Variants in ACO2 observed in about 807,000 individuals in gnomAD.
ACO2 encodes the protein aconitate hydratase, mitochondrial.
In ACO2, 31 loss-of-function variants were observed where a neutral mutation model predicts 84.5. The ratio of observed to expected loss-of-function variants is 0.37; its 90% CI spans 0.28 to 0.50. ACO2 has a LOEUF of 0.50. Ranked by LOEUF, ACO2 falls within the 20% of genes least tolerant of loss-of-function variation. The probability of loss-of-function intolerance (pLI) is 0.97; values close to 1 mark genes in which losing one functional copy is unlikely to be tolerated. For missense variants in ACO2, 685 were observed against 1,029.3 expected, an observed-to-expected ratio of 0.67 and a Z score of 4.58; for synonymous variants, 414 against 412.7, an observed-to-expected ratio of 1.00 and a Z score of -0.04.
chr22:41,514,135 C>T (rs1309344832), intron 4 of ACO2, among the ~76,000 whole-genome samples: 1 of 152,074 alleles, frequency 6.6e-6, no homozygotes, highest in East Asian at 1.9e-4. Context: ...GACCTTTGGA[C>T]CTTAGAGTCT....
At chr22:41,521,538 T>TA (rs1387221522) in intron 9 of ACO2, 2 of 152,218 alleles carry the variant, frequency 1.3e-5, no homozygotes. Context: ...CTACTGCTGC[T>TA]ATCACCAATG....
At chr22:41,486,086 G>A (rs1211190703) in intron 1 of ACO2, among the ~76,000 whole-genome samples, 1 of 152,118 alleles carries the variant, frequency 6.6e-6, no homozygotes, top group African/African-American at 2.4e-5. Flanking sequence ...CTCATTCTCT[G>A]TGCTCCACTC....
rs1179577274 is a variant in ACO2, at chr22:41,527,151, G to A, written c.1954-137G>A. 3 of 1,320,848 alleles carry A rather than the reference G, an allele frequency of 2.3e-6. No homozygotes were observed. The Admixed American group carries it at 6.1e-5, about 27-fold the overall frequency. The allele number at this position is 1,320,848 out of a possible 1,614,324, so 81.8% of individuals were successfully genotyped here. On this transcript the variant is annotated intron_variant, in intron 15 of 17. Coordinates refer to ENST00000216254, the MANE Select transcript of ACO2 (RefSeq NM_001098.3). ...CACTTGCCCTTAGGCAGCAGGCGAG[G>A]AAGGGCCCCTCCAGCCCCTTTACCG...
At chr22:41,505,427 C>CAATAAT (rs59945427) in intron 2 of ACO2, among the ~76,000 whole-genome samples, 230 of 148,776 alleles carry the variant, frequency 1.5e-3, no homozygotes, top group South Asian at 6.1e-3. Flanking sequence ...AAAATAATAA[C>CAATAAT]AATAATAATA....
chr22:41,512,003 C>G, intron 4 of ACO2, 35 bp downstream of exon 4: 14 of 1,559,740 alleles, frequency 9.0e-6, no homozygotes, highest in Non-Finnish European at 1.2e-5. Flanking sequence ...CCCAAGGGCC[C>G]AAGCCAGAGA....
intron 1 of ACO2, among the ~76,000 whole-genome samples, chr22:41,474,421 G>A (rs1311636669): frequency 6.7e-6 from 1 of 148,590 alleles, no homozygotes; most frequent in Non-Finnish European, 1.5e-5. Flanking sequence ...AGCCTCCCGA[G>A]TTGCTGGGAC....
At chr22:41,504,236 T>A (rs533704969) in intron 2 of ACO2, among the ~76,000 whole-genome samples, 8 of 152,168 alleles carry the variant, frequency 5.3e-5, no homozygotes, top group African/African-American at 1.7e-4. Flanking sequence ...GCTCAAAAAA[T>A]AAAAATAAAG....
chr22:41,527,076 C>G (rs908911590), intron 15 of ACO2: 5 of 656,710 alleles, frequency 7.6e-6, no homozygotes, highest in African/African-American at 7.3e-5. Flanking sequence ...CAAACAACCA[C>G]GTGCCTCTGT....
chr22:41,527,191 C>A, intron 15 of ACO2, 97 bp from the exon 16 acceptor site: 1 of 1,584,376 alleles, frequency 6.3e-7, no homozygotes, highest in Non-Finnish European at 8.6e-7. Flanking sequence ...CCTCAGGATG[C>A]CCAGGCGCCA....
chr22:41,486,260 G>C (rs1272157551), intron 1 of ACO2, among the ~76,000 whole-genome samples: 1 of 152,080 alleles, frequency 6.6e-6, no homozygotes. Flanking sequence ...CAAATGTGCT[G>C]CTAGGAAAGA....
intron 12 of ACO2, among the ~76,000 whole-genome samples, chr22:41,524,222 TGA>T (rs1366433952): frequency 7.2e-5 from 11 of 152,352 alleles, no homozygotes; most frequent in Admixed American, 2.6e-4. Flanking sequence ...ACTCGCTGTA[TGA>T]GTGTGGCCAA....
At chr22:41,520,328 GCCCAGGGCTGT>G in intron 9 of ACO2, 52 bp downstream of exon 9, 2 of 1,462,952 alleles carry the variant, frequency 1.4e-6, no homozygotes, top group Non-Finnish European at 1.9e-6. Context: ...CAGTGGCTCT[GCCCAGGGCTGT>G]AGACAATCAC....
intron 1 of ACO2, among the ~76,000 whole-genome samples, chr22:41,474,289 A>ATTT (rs755814518): frequency 2.0e-4 from 24 of 119,186 alleles, no homozygotes; most frequent in East Asian, 8.1e-4. Context: ...GTTTGCAGTC[A>ATTT]TTTTTTTTTT....
At chr22:41,477,518 G>C (rs976189558) in intron 1 of ACO2, among the ~76,000 whole-genome samples, 1 of 152,028 alleles carries the variant, frequency 6.6e-6, no homozygotes, top group Non-Finnish European at 1.5e-5. Flanking sequence ...TTGGAGCCAG[G>C]CCTGGAATTC....
chr22:41,522,848 C>G lies in ACO2; in HGVS notation c.1157C>G (p.Thr386Ser). Residue 386 changes from threonine (T) to serine (S), a missense_variant, in exon 10 of 18, where the codon ACC (threonine) becomes AGC (serine). Physicochemically the swap from Thr to Ser is moderately conservative, Grantham distance 58. Transcript: ENST00000216254. ...DIRVGLIGSC[T>S]NSSYEDMGRS... The stretch of plus-strand genomic sequence containing the variant: ...GCACCAGGTCTAATTGGTAGCTGCA[C>G]CAATTCAAGCTATGAAGATATGGGG... 1 of 1,614,220 alleles carries G rather than the reference C, an allele frequency of 6.2e-7. No individual in the cohort carries two copies. The highest frequency in any genetic ancestry group is 8.5e-7 in the Non-Finnish European group (1 of 1,180,040).
intron 9 of ACO2, among the ~76,000 whole-genome samples, chr22:41,522,073 A>G (rs2066531224): frequency 6.6e-6 from 1 of 152,222 alleles, no homozygotes; most frequent in South Asian, 2.1e-4. Context: ...GCGCCTGGCC[A>G]GTCCCAACAC....
intron 4 of ACO2, among the ~76,000 whole-genome samples, chr22:41,514,968 C>T (rs1008206983): frequency 6.6e-5 from 10 of 152,192 alleles, no homozygotes; most frequent in African/African-American, 2.4e-4. Context: ...GAAGAACCAC[C>T]AACCCCGATG....
intron 2 of ACO2, among the ~76,000 whole-genome samples, chr22:41,503,673 TG>T (rs1601905081): frequency 1.3e-5 from 2 of 151,902 alleles, no homozygotes; most frequent in African/African-American, 2.4e-5. Context: ...CTCAACAAGG[TG>T]GGGGGTGGTC....
chr22:41,502,150 T>C (rs1339872392), intron 2 of ACO2, among the ~76,000 whole-genome samples: 2 of 152,220 alleles, frequency 1.3e-5, no homozygotes, highest in African/African-American at 2.4e-5. Flanking sequence ...GGGTTTCTTC[T>C]GGGCTCCATG....
Sources: gnomAD v4.1 joint callset for allele counts (sites outside exome capture counted in the v4.1 genomes callset) on GRCh38, gnomAD v4.1.1 for gene constraint, MANE v1.5 for transcripts, NCBI Gene and HGNC (gene_info 2026-07-23, HGNC 2026-07-21) for gene names.